CDH13: variants seen among roughly 807,000 people sequenced by gnomAD.
CDH13 encodes cadherin-13.
In CDH13, 24 loss-of-function variants were observed where a neutral mutation model predicts 63.8. The ratio of observed to expected loss-of-function variants is 0.38; its 90% CI spans 0.27 to 0.53. The LOEUF is 0.53. Ranked by LOEUF, CDH13 falls within the 20% of genes least tolerant of loss-of-function variation. CDH13 has a pLI of 0.85. For missense variants in CDH13, 1,049 were observed against 903.1 expected (o/e 1.16, Z -2.07); for synonymous variants, 503 against 355.3 (o/e 1.42, Z -4.67).
intron 10 of CDH13, among the ~76,000 whole-genome samples, chr16:83,694,431 G>T (rs969583488): frequency 6.6e-6 from 1 of 152,152 alleles, no homozygotes; most frequent in Non-Finnish European, 1.5e-5. Context: ...GGATGATAAA[G>T]GATGGGGAGC....
In CDH13 at chr16:83,485,864, G is replaced by A. The variant is rs568132729; in HGVS notation, c.782-613G>A. Among the ~76,000 whole-genome samples, 202 of 152,200 alleles carry A rather than the reference G, an allele frequency of 1.3e-3. 4 individuals carry two copies. The South Asian group carries it at 0.039, about 29-fold the overall frequency. On this transcript the variant is annotated intron_variant, in intron 6 of 13. Coordinates refer to ENST00000567109, the MANE Select transcript of CDH13 (RefSeq NM_001257.5). ...TTGAATCAGAGCTTTAAAAATGAAG[G>A]CCATGGCTAGATGGAATCTTGTAAT...
intron 2 of CDH13, among the ~76,000 whole-genome samples, chr16:82,926,250 T>C (rs1258522707): frequency 1.4e-5 from 2 of 147,652 alleles, no homozygotes; most frequent in African/African-American, 5.1e-5. Flanking sequence ...TTAAAATGAA[T>C]GGACATGACA....
intron 3 of CDH13, among the ~76,000 whole-genome samples, chr16:83,104,584 G>C (rs1262568579): frequency 2.6e-5 from 4 of 151,860 alleles, no homozygotes; most frequent in Non-Finnish European, 5.9e-5. Flanking sequence ...TTGAGGTTTG[G>C]GGAAGGCTTC....
chr16:83,335,009 T>C (rs2090563085), intron 5 of CDH13, among the ~76,000 whole-genome samples: 1 of 152,220 alleles, frequency 6.6e-6, no homozygotes, highest in African/African-American at 2.4e-5. Flanking sequence ...TTAGGATTAA[T>C]GTTATCATTT....
chr16:83,699,514 A>G (rs567525848), intron 10 of CDH13, among the ~76,000 whole-genome samples: 1 of 152,304 alleles, frequency 6.6e-6, no homozygotes, highest in East Asian at 1.9e-4. Flanking sequence ...TCTGGCTTCA[A>G]GCTTCCACTT....
At chr16:82,889,043 T>C (rs1026851147) in intron 2 of CDH13, among the ~76,000 whole-genome samples, 1 of 152,196 alleles carries the variant, frequency 6.6e-6, no homozygotes, top group Non-Finnish European at 1.5e-5. Flanking sequence ...TGGCTGACCA[T>C]GTTGATAAGC....
chr16:83,712,016 C>T (rs1170911889), intron 10 of CDH13, among the ~76,000 whole-genome samples: 1 of 152,216 alleles, frequency 6.6e-6, no homozygotes, highest in Non-Finnish European at 1.5e-5. Flanking sequence ...GCTGTCTTCT[C>T]CCTGTGTCCT....
intron 5 of CDH13, among the ~76,000 whole-genome samples, chr16:83,223,081 A>C (rs1390658148): frequency 3.3e-5 from 3 of 90,244 alleles, no homozygotes; most frequent in African/African-American, 1.0e-4. Context: ...ATTGAGAACC[A>C]CTGTTAGAGA....
chr16:82,753,047 G>C (rs939774307), intron 1 of CDH13, among the ~76,000 whole-genome samples: 2 of 152,184 alleles, frequency 1.3e-5, no homozygotes, highest in Admixed American at 1.3e-4. Context: ...TGCATGTAAT[G>C]TCTAATAACA....
chr16:83,217,557 T>C (rs2039575124), intron 5 of CDH13, 60 bp downstream of exon 5: 1 of 1,530,470 alleles, frequency 6.5e-7, no homozygotes, highest in African/African-American at 1.4e-5. Context: ...AAAGATTGTT[T>C]TCTTCCCACT....
At chr16:83,201,722 C>G (rs139161270) in intron 4 of CDH13, among the ~76,000 whole-genome samples, 4,378 of 151,414 alleles carry the variant, frequency 0.029, 83 homozygotes, top group Non-Finnish European at 0.046. Flanking sequence ...ATGGTGAAAC[C>G]CCGTCTCTAA....
chr16:82,969,638 C>G (rs996261514), intron 2 of CDH13, among the ~76,000 whole-genome samples: 18 of 152,214 alleles, frequency 1.2e-4, no homozygotes, highest in African/African-American at 4.3e-4. Context: ...TAGCAGCATG[C>G]CTGGCCTCTA....
intron 7 of CDH13, among the ~76,000 whole-genome samples, chr16:83,513,262 G>A (rs769261752): frequency 2.0e-5 from 3 of 152,046 alleles, no homozygotes; most frequent in Non-Finnish European, 2.9e-5. Context: ...TGAGTCAGCC[G>A]CTGACTCAGC....
intron 4 of CDH13, among the ~76,000 whole-genome samples, chr16:83,143,162 A>C (rs1287571804): frequency 6.6e-6 from 1 of 152,210 alleles, no homozygotes; most frequent in Non-Finnish European, 1.5e-5. Flanking sequence ...CCCCTATCTT[A>C]CATGCAGAAC....
At chr16:83,101,802 A>T (rs1294734395) in intron 3 of CDH13, among the ~76,000 whole-genome samples, 1 of 152,052 alleles carries the variant, frequency 6.6e-6, no homozygotes, top group Non-Finnish European at 1.5e-5. Context: ...TCAATAAGGA[A>T]ATAGTGGGTA....
chr16:82,694,708 A>G (rs1327608945), intron 1 of CDH13, among the ~76,000 whole-genome samples: 2 of 152,226 alleles, frequency 1.3e-5, no homozygotes, highest in East Asian at 3.9e-4. Flanking sequence ...CTACTGAATG[A>G]ATGAACCACC....
intron 1 of CDH13, among the ~76,000 whole-genome samples, chr16:82,813,324 C>T (rs2037541513): frequency 6.6e-6 from 1 of 152,136 alleles, no homozygotes; most frequent in African/African-American, 2.4e-5. Flanking sequence ...ACCTGTGCTC[C>T]TCTTGGGATC....
intron 6 of CDH13, among the ~76,000 whole-genome samples, chr16:83,365,472 C>G (rs2091242019): frequency 6.6e-6 from 1 of 152,212 alleles, no homozygotes; most frequent in Non-Finnish European, 1.5e-5. Flanking sequence ...CCATGGTCAG[C>G]TGAGTTGACT....
At chr16:83,280,033 C>G (rs1382823411) in intron 5 of CDH13, among the ~76,000 whole-genome samples, 1 of 152,174 alleles carries the variant, frequency 6.6e-6, no homozygotes, top group African/African-American at 2.4e-5. Flanking sequence ...TTGATGGCTG[C>G]AGATTGATCA....
Sources: allele counts gnomAD v4.1 joint callset (sites outside exome capture counted in the v4.1 genomes callset), GRCh38; gene constraint gnomAD v4.1.1; transcripts MANE v1.5; gene names NCBI Gene and HGNC (gene_info 2026-07-23, HGNC 2026-07-21).